MCTP1: variants seen among roughly 807,000 people sequenced by gnomAD.
MCTP1 encodes the protein multiple C2 and transmembrane domain-containing protein 1.
MCTP1 carries 69 observed loss-of-function variants against 120.6 expected under a neutral mutation model. The observed-to-expected ratio is 0.57, with a 90% CI of 0.47 to 0.70. The LOEUF (loss-of-function observed/expected upper bound fraction) is 0.70, where lower values mean the gene tolerates loss of function less well. MCTP1 is among the 30% of genes least tolerant of loss of function. MCTP1 has a pLI of 0.00. For synonymous variants in MCTP1, 529 were observed against 493.1 expected (o/e 1.07, Z -0.96); for missense variants, 1,203 against 1,248.8 (o/e 0.96, Z 0.55).
chr5:95,071,267 A>G (rs868214982), intron 1 of MCTP1, among the ~76,000 whole-genome samples: 21 of 152,306 alleles, frequency 1.4e-4, no homozygotes, highest in African/African-American at 4.6e-4. Flanking sequence ...TGTCTGAGGT[A>G]CCCGCTGGCT....
chr5:95,176,903 C>G (rs1001131386), intron 1 of MCTP1, among the ~76,000 whole-genome samples: 1 of 151,362 alleles, frequency 6.6e-6, no homozygotes, highest in Non-Finnish European at 1.5e-5. Context: ...CTTGCTCTGT[C>G]GCCCAGGCTA....
chr5:95,023,833 G>T (rs1838676753), intron 1 of MCTP1, among the ~76,000 whole-genome samples: 7 of 152,144 alleles, frequency 4.6e-5, no homozygotes, highest in Admixed American at 4.6e-4. Context: ...AAACAAACTT[G>T]GTTCACCTCT....
chr5:95,028,222 A>G (rs1294405733), intron 1 of MCTP1, among the ~76,000 whole-genome samples: 1 of 152,232 alleles, frequency 6.6e-6, no homozygotes, highest in Non-Finnish European at 1.5e-5. Flanking sequence ...GATACGGTAG[A>G]AACAGGTAGA....
At chr5:94,982,558 G>C (rs2043207) in intron 2 of MCTP1, among the ~76,000 whole-genome samples, 7,128 of 151,550 alleles carry the variant, frequency 0.047, 542 homozygotes, top group African/African-American at 0.16. Flanking sequence ...TGGCAAAAGG[G>C]ATTTTGCTGA....
intron 21 of MCTP1, 128 bp from the exon 22 acceptor site, chr5:94,708,737 T>TCTCCTTCATTTCTTCCTCCTTTC: frequency 1.7e-6 from 1 of 572,036 alleles, no homozygotes; most frequent in South Asian, 2.3e-5. Flanking sequence ...TTCCTCTTTT[T>TCTCCTTCATTTCTTCCTCCTTTC]CTCCTTCATT....
At chr5:94,792,618 C>T (rs1779216925) in intron 18 of MCTP1, 1 of 152,356 alleles carries the variant, frequency 6.6e-6, no homozygotes, top group Admixed American at 6.5e-5. Flanking sequence ...TCTGTTTCCT[C>T]ACCCTTAGCC....
At chr5:95,163,866 A>G (rs331575) in intron 1 of MCTP1, among the ~76,000 whole-genome samples, 43,454 of 152,082 alleles carry the variant, frequency 0.29, 6,675 homozygotes, top group East Asian at 0.59. Flanking sequence ...TGAAAATCAC[A>G]TTTTCTTTTA....
In MCTP1 at chr5:94,940,970, GTT is replaced by G. The variant is rs138829737; in HGVS notation, c.1062-777_1062-776del. ...AAAGTAGTAATTAGATGTTTATGTG[GTT>G]TTGAGGAGAGGGAATTGCTAGTAAA... On this transcript the variant is annotated intron_variant, in intron 4 of 22. Transcript: ENST00000515393. Among the ~76,000 whole-genome samples, 991 of 151,990 alleles carry G rather than the reference GTT, an allele frequency of 6.5e-3. 15 individuals carry two copies. Among genetic ancestry groups the G allele is most frequent in the African/African-American group, 0.023 (935 of 41,486 alleles).
chr5:94,826,041 T>C, intron 17 of MCTP1: 2 of 325,542 alleles, frequency 6.1e-6, no homozygotes, highest in South Asian at 7.4e-5. Flanking sequence ...TGTTTCTTCA[T>C]TCTGGCTCGT....
rs78844367 is a variant in MCTP1 at position 95,009,252 on chromosome 5, C to G, written c.838+8115G>C. 7.8e-3 allele frequency among the ~76,000 whole-genome samples: 1,187 copies of G among 151,982 alleles called. 22 individuals carry two copies. Among genetic ancestry groups the G allele is most frequent in the African/African-American group, 0.028 (1,144 of 41,456 alleles). On this transcript the variant is annotated intron_variant, in intron 2 of 22. Coordinates refer to ENST00000515393, the MANE Select transcript of MCTP1 (RefSeq NM_024717.7). ...AGGAAACTACTATATCCGCCATGAC[C>G]CAAATTTCAAGAAATCAAATGATAG... is the stretch of plus-strand genomic sequence containing the variant.
intron 1 of MCTP1, among the ~76,000 whole-genome samples, chr5:95,219,653 C>T (rs1225721145): frequency 6.6e-6 from 1 of 152,172 alleles, no homozygotes; most frequent in African/African-American, 2.4e-5. Context: ...CCAGGAGACA[C>T]AGCAACCTGA....
intron 19 of MCTP1, among the ~76,000 whole-genome samples, chr5:94,734,295 A>G (rs920634639): frequency 6.6e-6 from 1 of 151,654 alleles, no homozygotes; most frequent in South Asian, 2.1e-4. Context: ...ATGCAGTCTT[A>G]TAACATGTAT....
chr5:94,817,943 G>A (rs897294280), intron 17 of MCTP1, among the ~76,000 whole-genome samples: 16 of 152,244 alleles, frequency 1.1e-4, no homozygotes, highest in Non-Finnish European at 2.1e-4. Context: ...GCTCTGCGTG[G>A]TGGACATTTG....
intron 1 of MCTP1, among the ~76,000 whole-genome samples, chr5:95,035,752 AAAGAAAT>A (rs2151825124): frequency 6.6e-6 from 1 of 152,234 alleles, no homozygotes; most frequent in South Asian, 2.1e-4. Context: ...GTGAAAATTT[AAAGAAAT>A]AATGTAATTG....
chr5:94,974,793 A>C (rs1827726687), intron 2 of MCTP1, among the ~76,000 whole-genome samples: 1 of 152,148 alleles, frequency 6.6e-6, no homozygotes, highest in African/African-American at 2.4e-5. Flanking sequence ...CATAAGTAAT[A>C]ACAATACAAA....
intron 16 of MCTP1, among the ~76,000 whole-genome samples, chr5:94,868,680 G>C (rs1429395115): frequency 6.6e-6 from 1 of 151,744 alleles, no homozygotes; most frequent in Non-Finnish European, 1.5e-5. Flanking sequence ...TAACATGTAG[G>C]TTGGACTACC....
At chr5:94,774,069 G>A (rs1326387594) in intron 19 of MCTP1, among the ~76,000 whole-genome samples, 5 of 87,510 alleles carry the variant, frequency 5.7e-5, no homozygotes, top group African/African-American at 1.0e-4. Flanking sequence ...TTAGCCGGGC[G>A]TAGTGGCGGG....
At chr5:94,919,010 A>G (rs1387447906) in intron 7 of MCTP1, among the ~76,000 whole-genome samples, 1 of 152,144 alleles carries the variant, frequency 6.6e-6, no homozygotes, top group Non-Finnish European at 1.5e-5. Context: ...TTTTTTTGAC[A>G]GAGACTAAGA....
At chr5:94,827,615 G>T (rs1787480839) in intron 17 of MCTP1, among the ~76,000 whole-genome samples, 1 of 152,060 alleles carries the variant, frequency 6.6e-6, no homozygotes, top group Non-Finnish European at 1.5e-5. Context: ...TCAAATGTAG[G>T]TTTGGTCTTT....
Sources: gnomAD v4.1 joint callset for allele counts (sites outside exome capture counted in the v4.1 genomes callset) on GRCh38, gnomAD v4.1.1 for gene constraint, MANE v1.5 for transcripts, NCBI Gene and HGNC (gene_info 2026-07-23, HGNC 2026-07-21) for gene names.